ATP13A3: variants seen among roughly 807,000 people sequenced by gnomAD.
The protein encoded by ATP13A3 is ATPase 13A3.
In ATP13A3, 59 loss-of-function variants were observed where a neutral mutation model predicts 158.1. The observed-to-expected ratio is 0.37, with a 90% confidence interval of 0.30 to 0.46. The LOEUF (loss-of-function observed/expected upper bound fraction) is 0.46. ATP13A3 is among the 20% of genes least tolerant of loss of function. The probability of loss-of-function intolerance (pLI) is 1.00; values close to 1 mark genes in which losing one functional copy is unlikely to be tolerated. For missense variants in ATP13A3, 1,166 were observed against 1,525.2 expected (o/e 0.76, Z 3.92); for synonymous variants, 491 against 504.3 (o/e 0.97, Z 0.35).
At position 194,486,262 on chromosome 3, in the gene ATP13A3, C is replaced by G. The variant is rs547361656; in HGVS notation, c.-89+304G>C. Among the ~76,000 whole-genome samples, 40 of 109,030 alleles carry G rather than the reference C, an allele frequency of 3.7e-4. 1 individual carries two copies. The East Asian group carries it at 4.7e-3, about 13-fold the overall frequency. 71.5% of individuals were successfully genotyped at this position (109,030 alleles called of 152,430 possible). Reference sequence around the variant, plus strand: ...ATCGAGGGCCCTGCCAGCACCCCTACGCCTCTGCCCACAGGACCTCCACCT... The same window carrying G: ...ATCGAGGGCCCTGCCAGCACCCCTAGGCCTCTGCCCACAGGACCTCCACCT... On this transcript the variant is annotated intron_variant, in intron 1 of 33. Coordinates refer to ENST00000645319, the MANE Select transcript of ATP13A3 (RefSeq NM_001367549.1).
chr3:194,465,827 C>A (rs565916805), intron 2 of ATP13A3, among the ~76,000 whole-genome samples: 28 of 150,400 alleles, frequency 1.9e-4, no homozygotes, highest in South Asian at 4.2e-4. Flanking sequence ...CACACACACA[C>A]AAAAATTAGC....
Position 194,447,989 on chromosome 3 carries a change from G to A in ATP13A3, c.1171C>T (p.Gln391Ter). 1.2e-6 allele frequency: 2 copies of A among 1,608,072 alleles called. No individual in the cohort carries two copies. Among genetic ancestry groups the A allele is most frequent in the African/African-American group, 1.3e-5 (1 of 74,820 alleles). ...VRTGFSTSKGQLVRSILYPKP... is the reference protein window; with the variant it reads ...VRTGFSTSKG ...GGATACAATATGGAACGAACAAGCT[G>A]TCCTTTGGAAGTACTAAATCCTTTC... Residue 391 changes from glutamine (Q) to a stop codon, truncating the protein, a stop_gained, in exon 13 of 34, where the codon CAG (glutamine) becomes TAG (stop). Transcript: ENST00000645319. LOFTEE classifies it high-confidence loss of function.
chr3:194,438,751 C>A (rs1717838685), intron 17 of ATP13A3, 105 bp downstream of exon 17: 1 of 664,726 alleles, frequency 1.5e-6, no homozygotes, highest in South Asian at 3.2e-5. Flanking sequence ...CCAGCCTGGG[C>A]AACATAGCAA....
intron 20 of ATP13A3, among the ~76,000 whole-genome samples, chr3:194,436,805 C>T (rs568944411): frequency 1.3e-5 from 2 of 151,992 alleles, no homozygotes; most frequent in Non-Finnish European, 2.9e-5. Context: ...CCGAGACTTG[C>T]GCCACTGCGC....
chr3:194,434,683 G>T (rs1717491700), intron 20 of ATP13A3, among the ~76,000 whole-genome samples: 2 of 152,196 alleles, frequency 1.3e-5, no homozygotes, highest in Admixed American at 1.3e-4. Context: ...TTGGGAGGCT[G>T]AAATAGGAGG....
Position 194,433,775 on chromosome 3 carries a change from T to A in ATP13A3, c.2242A>T (p.Thr748Ser). The A allele has an allele frequency of 6.2e-7, 1 of 1,614,062 alleles. No homozygotes were observed. Among genetic ancestry groups the A allele is most frequent in the Non-Finnish European group, 8.5e-7 (1 of 1,179,974 alleles). The change falls in exon 21 of 34, where the codon ACA (threonine) becomes TCA (serine). Residue 748 changes from threonine (T) to serine (S), a missense_variant. By Grantham distance (58) the Thr-to-Ser change is moderately conservative. This residue lies in a region of ATP13A3 where 997 missense variants were observed against 1,341.2 expected (regional missense o/e 0.74). Coordinates refer to ENST00000645319, the MANE Select transcript of ATP13A3 (RefSeq NM_001367549.1). ...GTGTTCTTTTATAAAGTCTAACCTGTGACCATGACGGTGCGAATGTTGGCT... is the reference window on the plus strand; with the variant it reads ...GTGTTCTTTTATAAAGTCTAACCTGAGACCATGACGGTGCGAATGTTGGCT... ...HKANIRTVMV[T>S]GDSMLTAVSV...
chr3:194,426,940 T>A, intron 29 of ATP13A3, 135 bp downstream of exon 29: 1 of 884,724 alleles, frequency 1.1e-6, no homozygotes, highest in Non-Finnish European at 1.7e-6. Flanking sequence ...TGCCTCGGCC[T>A]CCCCAAAGTA....
Position 194,411,520 on chromosome 3 carries a change from A to C in ATP13A3, c.3573+679T>G, listed in dbSNP as rs554165054. ...TCAAGAGCTATACTTTAACATCCTA[A>C]CACTAGGAAATGGGTTTTATTCCTC... On this transcript the variant is annotated intron_variant, in intron 33 of 33. Coordinates refer to ENST00000645319, the MANE Select transcript of ATP13A3 (RefSeq NM_001367549.1). Among the ~76,000 whole-genome samples the C allele has an allele frequency of 1.9e-4, 29 of 152,330 alleles. No homozygotes were observed. The South Asian group carries it at 2.1e-3, about 11-fold the overall frequency.
In ATP13A3 at chr3:194,429,716, T is replaced by C; in HGVS notation, c.2836A>G (p.Ser946Gly). The change falls in exon 27 of 34, where the codon AGC becomes GGC. Residue 946 changes from serine (S) to glycine (G), a missense_variant. Coordinates refer to ENST00000645319, the MANE Select transcript of ATP13A3 (RefSeq NM_001367549.1). ...GTAACACTGAAGTACTGGATAATGC[T>C]GTACAATGCCATGAATTTAAACACA... Reference protein sequence around the residue: ...FCVFKFMALYSIIQYFSVTLL... With the variant: ...FCVFKFMALYGIIQYFSVTLL... The C allele has an allele frequency of 6.2e-7, 1 of 1,613,940 alleles. No individual in the cohort carries two copies. Among genetic ancestry groups the C allele is most frequent in the Non-Finnish European group, 8.5e-7 (1 of 1,179,840 alleles).
chr3:194,447,033 G>A lies in ATP13A3; in HGVS notation c.1391C>T (p.Ala464Val). 6.2e-7 allele frequency: 1 copy of A among 1,613,390 alleles called. No homozygotes were observed. Among genetic ancestry groups the A allele is most frequent in the Non-Finnish European group, 8.5e-7 (1 of 1,179,684 alleles). ...VPPALPAAMTAGIVYAQRRLK... is the reference protein window; with the variant it reads ...VPPALPAAMTVGIVYAQRRLK... ...TCTTCTCTGAGCATACACAATACCA[G>A]CAGTCATTGCAGCAGGAAGTGCAGG... The change falls in exon 14 of 34, where the codon GCT becomes GTT. Residue 464 changes from alanine to valine, a missense_variant. This residue lies in a region of ATP13A3 where 997 missense variants were observed against 1,341.2 expected (regional missense o/e 0.74). Transcript: ENST00000645319.
intron 2 of ATP13A3, among the ~76,000 whole-genome samples, chr3:194,463,238 T>C (rs1176424986): frequency 3.3e-5 from 5 of 151,298 alleles, no homozygotes; most frequent in Non-Finnish European, 7.4e-5. Context: ...CCTGACTACC[T>C]ACAAAACTTG....
intron 14 of ATP13A3, among the ~76,000 whole-genome samples, chr3:194,446,220 T>A (rs1157987024): frequency 6.6e-6 from 1 of 152,214 alleles, no homozygotes; most frequent in Non-Finnish European, 1.5e-5. Flanking sequence ...CGTCTTTTTT[T>A]ATAACACGAT....
rs1452600318 is a variant in ATP13A3, at chr3:194,404,034, T to C, written c.*1885A>G. ...CAATTACTTTCATTATATGCTTCAG[T>C]ACTTAAACCAAAGAATAAAATGCAC... On this transcript the variant is annotated 3_prime_UTR_variant, in exon 34 of 34. Transcript: ENST00000645319. The C allele has an allele frequency of 9.2e-6, 4 of 433,080 alleles. No individual in the cohort carries two copies. The highest frequency in any genetic ancestry group is 1.8e-5 in the Non-Finnish European group (4 of 219,442). The allele number at this position is 433,080 out of a possible 1,614,324, so 26.8% of individuals were successfully genotyped here.
In ATP13A3 at chr3:194,430,989, C is replaced by T; in HGVS notation, c.2578G>A (p.Ala860Thr). 1 of 1,613,696 alleles carries T rather than the reference C, an allele frequency of 6.2e-7. No individual in the cohort carries two copies. The highest frequency in any genetic ancestry group is 8.5e-7 in the Non-Finnish European group (1 of 1,179,718). The change falls in exon 24 of 34, where the codon GCA becomes ACA. Residue 860 changes from alanine to threonine, a missense_variant. Around this residue, in one of 3 missense-constraint regions of ATP13A3, gnomAD observed 997 missense variants for 1,341.2 expected, o/e 0.74. Transcript: ENST00000645319. ...ATCAACTGTGTCTTCTGATCAGGTG[C>T]CATACGGGCAAACACGGTGCCATGC... is the stretch of plus-strand genomic sequence containing the variant. The part of the protein sequence containing the change: ...MLHGTVFARM[A>T]PDQKTQLIEA...
intron 33 of ATP13A3, among the ~76,000 whole-genome samples, chr3:194,411,837 T>A (rs1377389928): frequency 6.6e-6 from 1 of 152,174 alleles, no homozygotes; most frequent in Admixed American, 6.5e-5. Flanking sequence ...ATTTAGCTTC[T>A]AAGGGGACTC....
At chr3:194,450,523 A>G in intron 10 of ATP13A3, 1 of 433,428 alleles carries the variant, frequency 2.3e-6, no homozygotes, top group East Asian at 4.8e-5. Context: ...CCTCTGACGA[A>G]GCAGGTTAAG....
rs556268702 is a variant in ATP13A3, at chr3:194,403,293, T to C, written c.*2626A>G. ...GGAAAGCTTTCGAATTTCAGGATTA[T>C]AAAACTACTATAAAAGTATTTATTC... On this transcript the variant is annotated 3_prime_UTR_variant, in exon 34 of 34. Transcript: ENST00000645319. 2.8e-4 allele frequency: 42 copies of C among 152,360 alleles called. No individual in the cohort carries two copies. The highest frequency in any genetic ancestry group is 1.0e-3 in the African/African-American group (42 of 41,580). The allele number at this position is 152,360 out of a possible 1,614,324, so 9.4% of individuals were successfully genotyped here.
chr3:194,421,328 C>A (rs1193190933), intron 30 of ATP13A3, among the ~76,000 whole-genome samples: 3 of 146,212 alleles, frequency 2.1e-5, no homozygotes, highest in Non-Finnish European at 4.5e-5. Context: ...CCGAGGCGGG[C>A]GGATCACGAG....
At chr3:194,469,716 T>C (rs1293886931) in intron 2 of ATP13A3, among the ~76,000 whole-genome samples, 2 of 152,170 alleles carry the variant, frequency 1.3e-5, no homozygotes, top group Non-Finnish European at 2.9e-5. Flanking sequence ...AACCCATCTT[T>C]AAAGACCACA....
Sources: allele counts gnomAD v4.1 joint callset (sites outside exome capture counted in the v4.1 genomes callset), GRCh38; gene constraint gnomAD v4.1.1; regional missense constraint gnomAD v4.1.1; transcripts MANE v1.5; gene names NCBI Gene and HGNC (gene_info 2026-07-23, HGNC 2026-07-21).